ZBTB16: variants seen among roughly 807,000 people sequenced by gnomAD.
ZBTB16 encodes zinc finger and BTB domain-containing protein 16.
Under a neutral mutation model 56.8 loss-of-function variants are expected in ZBTB16, and 8 were observed. The observed-to-expected ratio is 0.14, with a 90% CI of 0.08 to 0.25. The LOEUF (loss-of-function observed/expected upper bound fraction) is 0.25, where lower values mean the gene tolerates loss of function less well. Among genes scored for constraint, ZBTB16 ranks in the 10% least tolerant of loss-of-function variants. The probability of loss-of-function intolerance (pLI) is 1.00; values close to 1 mark genes in which losing one functional copy is unlikely to be tolerated. For missense variants in ZBTB16, 625 were observed against 903.0 expected (o/e 0.69, Z 3.95); for synonymous variants, 363 against 368.5 (o/e 0.98, Z 0.17).
rs1375284809 is a variant in ZBTB16, at chr11:114,247,328, C to T, written c.1755C>T (p.Leu585=). Residue 585 remains leucine, a synonymous_variant, in exon 6 of 7, where the codon CTC becomes CTT. Transcript: ENST00000335953. ...ECNGCGKKFS[L]KHQLETHYRV... ...ATGGCTGTGGCAAGAAGTTCAGCCT[C>T]AAGCATCAGCTGGAGACGCACTATA... is the stretch of plus-strand genomic sequence containing the variant. 1 of 1,614,136 alleles carries T rather than the reference C, an allele frequency of 6.2e-7. No homozygotes were observed. Among genetic ancestry groups the T allele is most frequent in the Non-Finnish European group, 8.5e-7 (1 of 1,180,054 alleles).
At chr11:114,150,361 G>A (rs1027972219) in intron 2 of ZBTB16, among the ~76,000 whole-genome samples, 6 of 152,210 alleles carry the variant, frequency 3.9e-5, no homozygotes, top group Non-Finnish European at 8.8e-5. Context: ...TAGTCTGGGC[G>A]TGGTGGCTCA....
At chr11:114,142,002 C>T (rs765451184) in intron 2 of ZBTB16, among the ~76,000 whole-genome samples, 5 of 152,198 alleles carry the variant, frequency 3.3e-5, no homozygotes, top group African/African-American at 4.8e-5. Flanking sequence ...GTGTCTCTGA[C>T]ATCATTTTAG....
chr11:114,066,873 C>A (rs575685163), intron 2 of ZBTB16, among the ~76,000 whole-genome samples: 1 of 148,492 alleles, frequency 6.7e-6, no homozygotes, highest in African/African-American at 2.5e-5. Flanking sequence ...CGGGTTCAAG[C>A]GATTCTCCTG....
At chr11:114,167,232 G>GTTTT (rs58946694) in intron 3 of ZBTB16, among the ~76,000 whole-genome samples, 954 of 88,670 alleles carry the variant, frequency 0.011, 38 homozygotes, top group Non-Finnish European at 0.012. Flanking sequence ...TTTTTTTTTG[G>GTTTT]TTTTTTTTTT....
At chr11:114,124,450 C>T (rs1253557356) in intron 2 of ZBTB16, among the ~76,000 whole-genome samples, 1 of 149,602 alleles carries the variant, frequency 6.7e-6, no homozygotes, top group African/African-American at 2.5e-5. Context: ...AAACAAGGTC[C>T]AGAATTGAGG....
chr11:114,241,241 AAAAAC>A (rs1944695737), intron 4 of ZBTB16, among the ~76,000 whole-genome samples: 1 of 151,962 alleles, frequency 6.6e-6, no homozygotes, highest in Admixed American at 6.5e-5. Flanking sequence ...GTTAAAAAAA[AAAAAC>A]AAAACAGGAT....
At chr11:114,230,344 C>G (rs1944413463) in intron 4 of ZBTB16, among the ~76,000 whole-genome samples, 2 of 152,200 alleles carry the variant, frequency 1.3e-5, no homozygotes, top group Admixed American at 1.3e-4. Context: ...ACTCCATGAG[C>G]TCGACCTGCC....
chr11:114,092,912 A>G (rs1940244311), intron 2 of ZBTB16, among the ~76,000 whole-genome samples: 3 of 152,054 alleles, frequency 2.0e-5, no homozygotes, highest in African/African-American at 7.3e-5. Flanking sequence ...TCTGGTCTCC[A>G]TTATTATATA....
chr11:114,107,239 T>G (rs1027893866), intron 2 of ZBTB16, among the ~76,000 whole-genome samples: 1 of 152,200 alleles, frequency 6.6e-6, no homozygotes, highest in Non-Finnish European at 1.5e-5. Flanking sequence ...ACTTCCTAGG[T>G]GCATGGGAGG....
chr11:114,109,695 G>A (rs1203118730), intron 2 of ZBTB16, among the ~76,000 whole-genome samples: 1 of 151,892 alleles, frequency 6.6e-6, no homozygotes, highest in Non-Finnish European at 1.5e-5. Context: ...AAGAGTTGGG[G>A]GAGGGGAGAG....
At chr11:114,141,320 G>A (rs1325300609) in intron 2 of ZBTB16, among the ~76,000 whole-genome samples, 3 of 152,164 alleles carry the variant, frequency 2.0e-5, no homozygotes, top group South Asian at 2.1e-4. Context: ...TCCTCAGACC[G>A]TCTGCAGTGA....
intron 2 of ZBTB16, among the ~76,000 whole-genome samples, chr11:114,149,168 C>A (rs555174682): frequency 6.6e-6 from 1 of 152,252 alleles, no homozygotes; most frequent in Admixed American, 6.5e-5. Context: ...TCTAGCTCAA[C>A]CTTTGCATTG....
intron 4 of ZBTB16, among the ~76,000 whole-genome samples, chr11:114,225,448 A>G (rs1372810618): frequency 6.6e-6 from 1 of 152,196 alleles, no homozygotes; most frequent in Non-Finnish European, 1.5e-5. Flanking sequence ...TTTGGTTCAC[A>G]GTTTTGAAGG....
At chr11:114,116,910 G>A (rs1011866033) in intron 2 of ZBTB16, among the ~76,000 whole-genome samples, 3 of 152,168 alleles carry the variant, frequency 2.0e-5, no homozygotes, top group African/African-American at 7.2e-5. Flanking sequence ...TGGTAGGGGA[G>A]GCAGACACTG....
intron 2 of ZBTB16, among the ~76,000 whole-genome samples, chr11:114,155,670 A>G (rs1942391924): frequency 6.6e-6 from 1 of 152,180 alleles, no homozygotes; most frequent in South Asian, 2.1e-4. Context: ...CAGTTTCTTG[A>G]AACTCTGCTT....
chr11:114,186,835 A>AT, intron 3 of ZBTB16, 117 bp from the exon 4 acceptor site: 2 of 940,952 alleles, frequency 2.1e-6, no homozygotes, highest in Admixed American at 1.9e-5. Flanking sequence ...CTCACTCAGG[A>AT]TTTTTGCGGG....
At chr11:114,155,480 G>A (rs1312074584) in intron 2 of ZBTB16, among the ~76,000 whole-genome samples, 1 of 152,180 alleles carries the variant, frequency 6.6e-6, no homozygotes, top group Admixed American at 6.5e-5. Context: ...TGGGAGTTGG[G>A]ATGGGAGCAC....
chr11:114,163,410 T>A (rs1377303481), intron 3 of ZBTB16, among the ~76,000 whole-genome samples: 1 of 149,170 alleles, frequency 6.7e-6, no homozygotes, highest in Admixed American at 6.6e-5. Flanking sequence ...GTGTGGGTTG[T>A]TTTTGTTTTT....
intron 4 of ZBTB16, among the ~76,000 whole-genome samples, chr11:114,200,124 T>C (rs1388688591): frequency 7.7e-6 from 1 of 129,526 alleles, no homozygotes; most frequent in Non-Finnish European, 1.6e-5. Flanking sequence ...CGAGACTCCG[T>C]CTCAAAAAAA....
Sources: allele counts gnomAD v4.1 joint callset (sites outside exome capture counted in the v4.1 genomes callset), GRCh38; gene constraint gnomAD v4.1.1; transcripts MANE v1.5; gene names NCBI Gene and HGNC (gene_info 2026-07-23, HGNC 2026-07-21).